The following FSTL5 variants were observed in gnomAD, a reference collection of about 807,000 sequenced individuals.
FSTL5 encodes follistatin-related protein 5.
A neutral mutation model predicts 89.1 loss-of-function variants in FSTL5; 62 were observed. That is an observed-to-expected ratio of 0.70 (90% CI 0.57 to 0.86). The LOEUF is 0.86. FSTL5 is among the 40% of genes least tolerant of loss of function. The pLI, the probability that FSTL5 is intolerant of heterozygous loss-of-function variation, is 0.00. For synonymous variants in FSTL5, 383 were observed against 346.2 expected, an observed-to-expected ratio of 1.11 and a Z score of -1.18; for missense variants, 1,057 against 1,001.6, an observed-to-expected ratio of 1.06 and a Z score of -0.75.
rs1197512290 is a variant in FSTL5 at position 161,500,108 on chromosome 4, C to G, written c.1366G>C (p.Val456Leu). The change falls in exon 12 of 16, where the codon GTT (valine) becomes CTT (leucine). Residue 456 changes from valine to leucine, a missense_variant. Physicochemically the swap from Val to Leu is conservative, Grantham distance 32. Coordinates refer to ENST00000306100, the MANE Select transcript of FSTL5 (RefSeq NM_020116.5). ...ACTTTGATTCCATCTTCATAAAAAACATAGAACATGTTCCCAATTCCCAGA... is the reference window on the plus strand; with the variant it reads ...ACTTTGATTCCATCTTCATAAAAAAGATAGAACATGTTCCCAATTCCCAGA... ...EGLGIGNMFY[V>L]FYEDGIKVIQ... 1.1e-5 allele frequency: 18 copies of G among 1,601,396 alleles called. No homozygotes were observed. Among genetic ancestry groups the G allele is most frequent in the Non-Finnish European group, 1.5e-5 (18 of 1,171,386 alleles).
At chr4:161,679,059 T>C (rs1737424223) in intron 6 of FSTL5, among the ~76,000 whole-genome samples, 1 of 151,756 alleles carries the variant, frequency 6.6e-6, no homozygotes, top group African/African-American at 2.4e-5. Context: ...CAAGTACTCT[T>C]ATTATCCCTA....
chr4:161,875,509 A>G (rs907223300), intron 4 of FSTL5, among the ~76,000 whole-genome samples: 1 of 152,106 alleles, frequency 6.6e-6, no homozygotes, highest in Non-Finnish European at 1.5e-5. Flanking sequence ...CATGAGATGA[A>G]CGTGAAGTGG....
At chr4:161,808,469 G>C (rs1730038765) in intron 4 of FSTL5, among the ~76,000 whole-genome samples, 1 of 151,948 alleles carries the variant, frequency 6.6e-6, no homozygotes, top group Non-Finnish European at 1.5e-5. Context: ...CAAAAAGTTT[G>C]ACTTTACCTT....
rs192158876 is a variant in FSTL5 at position 161,635,981 on chromosome 4, T to C, written c.894+20347A>G. Among the ~76,000 whole-genome samples, 603 of 152,278 alleles carry C rather than the reference T, an allele frequency of 4.0e-3. 2 individuals carry two copies. Among genetic ancestry groups the C allele is most frequent in the Middle Eastern group, 0.017 (5 of 292 alleles). The stretch of plus-strand genomic sequence containing the variant: ...CCTTAACTGGGAAAAACAATCCTTT[T>C]TTCTGTTAATTGTGTTTTTGTTCCC... On this transcript the variant is annotated intron_variant, in intron 7 of 15. Coordinates refer to ENST00000306100, the MANE Select transcript of FSTL5 (RefSeq NM_020116.5).
intron 2 of FSTL5, among the ~76,000 whole-genome samples, chr4:162,090,543 G>C (rs951697498): frequency 1.3e-5 from 2 of 151,922 alleles, no homozygotes; most frequent in African/African-American, 4.8e-5. Flanking sequence ...AATCAAGGCC[G>C]GGTGCGGTGA....
intron 7 of FSTL5, among the ~76,000 whole-genome samples, chr4:161,590,761 G>A (rs1733786790): frequency 6.6e-6 from 1 of 152,180 alleles, no homozygotes; most frequent in South Asian, 2.1e-4. Flanking sequence ...TGGAGAGGAT[G>A]TGGAAAGTTT....
intron 6 of FSTL5, among the ~76,000 whole-genome samples, chr4:161,729,336 T>C (rs553208514): frequency 6.6e-6 from 1 of 152,320 alleles, no homozygotes; most frequent in Non-Finnish European, 1.5e-5. Flanking sequence ...TCTACTGTCT[T>C]CTTCCCATCA....
chr4:162,040,717 C>A (rs929521415), intron 2 of FSTL5, among the ~76,000 whole-genome samples: 3 of 152,124 alleles, frequency 2.0e-5, no homozygotes, highest in African/African-American at 4.8e-5. Context: ...ATTTAAAATT[C>A]TTTTTCTTAG....
At chr4:161,571,914 G>T (rs576177652) in intron 8 of FSTL5, among the ~76,000 whole-genome samples, 2 of 152,092 alleles carry the variant, frequency 1.3e-5, no homozygotes. Context: ...CCCCCAAAAG[G>T]CTTCTGAGCA....
chr4:161,685,929 C>A (rs964383497), intron 6 of FSTL5, among the ~76,000 whole-genome samples: 1 of 151,996 alleles, frequency 6.6e-6, no homozygotes, highest in Non-Finnish European at 1.5e-5. Context: ...AGGTGTGTCC[C>A]TTGTAGGCCA....
At chr4:161,413,323 T>C (rs960067652) in intron 15 of FSTL5, among the ~76,000 whole-genome samples, 1 of 103,210 alleles carries the variant, frequency 9.7e-6, no homozygotes, top group Admixed American at 9.8e-5. Flanking sequence ...TGAAAAAAAA[T>C]GTTCAGCATC....
chr4:161,959,191 C>T (rs1450648247), intron 3 of FSTL5, among the ~76,000 whole-genome samples: 1 of 152,020 alleles, frequency 6.6e-6, no homozygotes, highest in Non-Finnish European at 1.5e-5. Context: ...TAGAGTTTGA[C>T]ATTTTCTTAT....
intron 6 of FSTL5, among the ~76,000 whole-genome samples, chr4:161,696,606 G>A (rs541635987): frequency 6.6e-6 from 1 of 152,236 alleles, no homozygotes; most frequent in African/African-American, 2.4e-5. Flanking sequence ...CCATTTGTTT[G>A]TGTCATCTAT....
intron 8 of FSTL5, among the ~76,000 whole-genome samples, chr4:161,582,906 A>G (rs1733484962): frequency 6.6e-6 from 1 of 152,102 alleles, no homozygotes. Flanking sequence ...GTTCTGTCTC[A>G]GCCGGGTGTG....
Position 161,787,779 on chromosome 4 carries a change from G to T in FSTL5, c.410-11705C>A, listed in dbSNP as rs371073785. On this transcript the variant is annotated intron_variant, in intron 4 of 15. Transcript: ENST00000306100. ...GTTAATAACAGTAGCGACAGTTCAT[G>T]TAGAGATATATTCCTTTGATATGGT... is the stretch of plus-strand genomic sequence containing the variant. 4.6e-5 allele frequency among the ~76,000 whole-genome samples: 7 copies of T among 152,244 alleles called. No individual in the cohort carries two copies. The South Asian group carries it at 8.3e-4, about 18-fold the overall frequency.
At chr4:161,587,961 G>A (rs2126607621) in intron 7 of FSTL5, among the ~76,000 whole-genome samples, 1 of 152,212 alleles carries the variant, frequency 6.6e-6, no homozygotes, top group African/African-American at 2.4e-5. Flanking sequence ...ATCACTTGAT[G>A]TCAGGAGTTC....
intron 2 of FSTL5, among the ~76,000 whole-genome samples, chr4:162,068,185 GAATTAGAAAAAAC>G (rs1729424779): frequency 6.6e-6 from 1 of 152,004 alleles, no homozygotes; most frequent in African/African-American, 2.4e-5. Flanking sequence ...GTTCTTCACA[GAATTAGAAAAAAC>G]TATTTTAAAT....
intron 4 of FSTL5, among the ~76,000 whole-genome samples, chr4:161,891,315 A>G (rs1187683999): frequency 6.6e-6 from 1 of 152,034 alleles, no homozygotes; most frequent in Non-Finnish European, 1.5e-5. Context: ...TCTTTTTCAT[A>G]CCCACAATAG....
chr4:161,469,373 A>G (rs1733855520), intron 13 of FSTL5, among the ~76,000 whole-genome samples: 1 of 152,204 alleles, frequency 6.6e-6, no homozygotes, highest in Admixed American at 6.5e-5. Context: ...AATTTTTTAA[A>G]TAACCACCAG....
Sources: allele counts gnomAD v4.1 joint callset (sites outside exome capture counted in the v4.1 genomes callset), GRCh38; gene constraint gnomAD v4.1.1; transcripts MANE v1.5; gene names NCBI Gene and HGNC (gene_info 2026-07-23, HGNC 2026-07-21).